Variants in NAP1L4 observed in about 807,000 individuals in gnomAD.
NAP1L4 encodes nucleosome assembly protein 1-like 4.
Under a neutral mutation model 58.2 loss-of-function variants are expected in NAP1L4, and 15 were observed. The ratio of observed to expected loss-of-function variants is 0.26; its 90% confidence interval spans 0.17 to 0.40. NAP1L4 has a LOEUF of 0.40. Among genes scored for constraint, NAP1L4 ranks in the 10% least tolerant of loss-of-function variants. The pLI, the probability that NAP1L4 is intolerant of heterozygous loss-of-function variation, is 1.00. For missense variants in NAP1L4, 384 were observed against 451.1 expected, an observed-to-expected ratio of 0.85 and a Z score of 1.35; for synonymous variants, 171 against 155.6, an observed-to-expected ratio of 1.10 and a Z score of -0.74.
intron 12 of NAP1L4, among the ~76,000 whole-genome samples, chr11:2,953,368 GCTCA>G (rs1372274872): frequency 1.3e-5 from 2 of 152,196 alleles, no homozygotes; most frequent in Non-Finnish European, 2.9e-5. Flanking sequence ...CTAGCCCTTA[GCTCA>G]CTATTTAAAT....
intron 1 of NAP1L4, among the ~76,000 whole-genome samples, chr11:2,986,131 T>C (rs1359049275): frequency 3.3e-5 from 5 of 152,088 alleles, no homozygotes; most frequent in Non-Finnish European, 2.9e-5. Context: ...CCCAGCACTT[T>C]GGGAGACCAA....
intron 12 of NAP1L4, chr11:2,952,091 C>G: frequency 2.0e-6 from 1 of 512,298 alleles, no homozygotes; most frequent in Non-Finnish European, 3.5e-6. Context: ...CACCACAGCT[C>G]TGCCCTGGCT....
At chr11:2,985,692 TAAA>T (rs1848576975) in intron 1 of NAP1L4, among the ~76,000 whole-genome samples, 1 of 152,146 alleles carries the variant, frequency 6.6e-6, no homozygotes, top group African/African-American at 2.4e-5. Context: ...TTTGTGTTAA[TAAA>T]TAATAACTAA....
chr11:2,979,917 G>A (rs927360956), intron 1 of NAP1L4, among the ~76,000 whole-genome samples: 4 of 152,164 alleles, frequency 2.6e-5, no homozygotes, highest in African/African-American at 4.8e-5. Context: ...CCATTTTAGA[G>A]TAAGTCAAAG....
rs1290636607 is a variant in NAP1L4 at position 2,959,005 on chromosome 11, G to C, written c.747-461C>G. On this transcript the variant is annotated intron_variant, in intron 9 of 15. Transcript: ENST00000380542. The surrounding 1 kb of genome is among the most constrained non-coding windows in gnomAD (Gnocchi z 4.9). ...GACCACTCCAGCCCCAGGGATGCTG[G>C]CGAGGGCTGAGCACAGCACGCTCTC... The C allele has an allele frequency of 1.1e-5, 2 of 175,862 alleles. No homozygotes were observed. The highest frequency in any genetic ancestry group is 2.5e-5 in the Non-Finnish European group (2 of 81,466). The allele number at this position is 175,862 out of a possible 1,614,324, so 10.9% of individuals were successfully genotyped here. A position where few individuals can be genotyped will look rare whatever the true frequency, so the allele number is the denominator to read the frequency against.
At position 2,944,715 on chromosome 11, in the gene NAP1L4, C is replaced by G. The variant is rs1387181782; in HGVS notation, c.*964G>C. 1.3e-5 allele frequency: 2 copies of G among 152,270 alleles called. No homozygotes were observed. Among genetic ancestry groups the G allele is most frequent in the African/African-American group, 4.8e-5 (2 of 41,460 alleles). The allele number at this position is 152,270 out of a possible 1,614,324, so 9.4% of individuals were successfully genotyped here. Reference sequence around the variant, plus strand: ...GAGAAAGCAGGACTTGACGCTCATACGCTCCACTGAAACGCAGGACTTCCC... The same window carrying G: ...GAGAAAGCAGGACTTGACGCTCATAGGCTCCACTGAAACGCAGGACTTCCC... On this transcript the variant is annotated 3_prime_UTR_variant, in exon 16 of 16. Transcript: ENST00000380542.
intron 10 of NAP1L4, among the ~76,000 whole-genome samples, chr11:2,956,403 A>C (rs73406362): frequency 0.1 from 15,824 of 152,160 alleles, 960 homozygotes; most frequent in African/African-American, 0.15. Flanking sequence ...TAGAAGATCC[A>C]ACCCCCTGAT....
In NAP1L4 at chr11:2,959,714, C is replaced by A; in HGVS notation, c.746+56G>T. On this transcript the variant is annotated intron_variant, in intron 9 of 15. Coordinates refer to ENST00000380542, the MANE Select transcript of NAP1L4 (RefSeq NM_005969.4). This position sits in a 1 kb window ranked among gnomAD's most constrained non-coding sequence, Gnocchi z 4.9. ...TACTTCTATCTTACCCATCAAGTTACAAAATTATCTTTTGATTTTGTTTCA... is the reference window on the plus strand; with the variant it reads ...TACTTCTATCTTACCCATCAAGTTAAAAAATTATCTTTTGATTTTGTTTCA... 1 of 1,601,506 alleles carries A rather than the reference C, an allele frequency of 6.2e-7. No homozygotes were observed. Among genetic ancestry groups the A allele is most frequent in the Admixed American group, 1.7e-5 (1 of 59,046 alleles).
In NAP1L4 at chr11:2,959,851, G is replaced by A; in HGVS notation, c.665C>T (p.Thr222Ile). 6.2e-7 allele frequency: 1 copy of A among 1,614,196 alleles called. No homozygotes were observed. The highest frequency in any genetic ancestry group is 2.2e-5 in the East Asian group (1 of 44,888). ...PNDYFTNSVL[T>I]KTYKMKSEPD... ...TTCTGATTTCATCTTGTAGGTTTTTGTCAGGACTGAGTTGGTAAAGTAGTC... is the reference window on the plus strand; with the variant it reads ...TTCTGATTTCATCTTGTAGGTTTTTATCAGGACTGAGTTGGTAAAGTAGTC... The change falls in exon 9 of 16, where the codon ACA (threonine) becomes ATA (isoleucine). Residue 222 changes from threonine (T) to isoleucine (I), a missense_variant. Physicochemically the swap from Thr to Ile is moderately conservative, Grantham distance 89 (BLOSUM62 -1). Transcript: ENST00000380542. This position sits in a 1 kb window ranked among gnomAD's most constrained non-coding sequence, Gnocchi z 4.9.
Position 2,976,078 on chromosome 11 carries a change from G to C in NAP1L4, c.119C>G (p.Ala40Gly), listed in dbSNP as rs1048060074. ...QVMQNPRVLA[A>G]LQERLDNVPH... Reference sequence around the variant, plus strand: ...GACATTGTCAAGTCGCTCCTGTAAAGCTGCCAGAACTCGAGGATTCTGCAT... The same window carrying C: ...GACATTGTCAAGTCGCTCCTGTAAACCTGCCAGAACTCGAGGATTCTGCAT... The change falls in exon 4 of 16, where the codon GCT becomes GGT. Residue 40 changes from alanine (A) to glycine (G), a missense_variant. Physicochemically the swap from Ala to Gly is moderately conservative, Grantham distance 60. Around this residue, in one of 3 missense-constraint regions of NAP1L4, gnomAD observed 84 missense variants for 73.7 expected, o/e 1.14. Coordinates refer to ENST00000380542, the MANE Select transcript of NAP1L4 (RefSeq NM_005969.4). 1.7e-5 allele frequency: 28 copies of C among 1,613,922 alleles called. No homozygotes were observed. The highest frequency in any genetic ancestry group is 2.4e-5 in the Non-Finnish European group (28 of 1,180,006).
At chr11:2,965,041 G>T (rs1056830107) in intron 7 of NAP1L4, among the ~76,000 whole-genome samples, 1 of 152,222 alleles carries the variant, frequency 6.6e-6, no homozygotes, top group Non-Finnish European at 1.5e-5. Context: ...ACTGGGGCAA[G>T]GGCCTTCACT....
chr11:2,952,261 C>T (rs1252770833), intron 12 of NAP1L4: 1 of 169,332 alleles, frequency 5.9e-6, no homozygotes, highest in Non-Finnish European at 1.3e-5. Flanking sequence ...GGAAAAGAAA[C>T]CTTAGTAGAA....
At chr11:2,979,581 T>G (rs1037114229) in intron 1 of NAP1L4, among the ~76,000 whole-genome samples, 1 of 152,132 alleles carries the variant, frequency 6.6e-6, no homozygotes, top group Admixed American at 6.5e-5. Flanking sequence ...GAGACCGGCC[T>G]GACCAACATG....
chr11:2,952,225 G>A, intron 12 of NAP1L4: 1 of 192,196 alleles, frequency 5.2e-6, no homozygotes, highest in South Asian at 1.2e-4. Flanking sequence ...CAGGAATCTG[G>A]GTATCATTTT....
At chr11:2,987,776 A>G (rs1287092897) in intron 1 of NAP1L4, among the ~76,000 whole-genome samples, 1 of 151,060 alleles carries the variant, frequency 6.6e-6, no homozygotes, top group Non-Finnish European at 1.5e-5. Flanking sequence ...AAAAAAAAAA[A>G]AGCAATGAAT....
In NAP1L4 at chr11:2,971,473, T is replaced by C. The variant is rs1847632336; in HGVS notation, c.377A>G (p.Glu126Gly). 6.2e-7 allele frequency: 1 copy of C among 1,613,924 alleles called. No individual in the cohort carries two copies. Among genetic ancestry groups the C allele is most frequent in the South Asian group, 1.1e-5 (1 of 91,084 alleles). ...AGCCAATTTCTCTTCCTCTTCATTT[T>C]CACTGTGCCATTCCGATTCCGCATC... ...PTDAESEWHS[E>G]NEEEEKLAGD... Residue 126 changes from glutamate to glycine, a missense_variant, in exon 6 of 16, where the codon GAA (glutamate) becomes GGA (glycine). By Grantham distance (98) the Glu-to-Gly change is moderately conservative. Transcript: ENST00000380542. The surrounding 1 kb of genome is among the most constrained non-coding windows in gnomAD (Gnocchi z 4.2).
chr11:2,979,084 G>A (rs531869164), intron 2 of NAP1L4, 123 bp downstream of exon 2: 9 of 967,818 alleles, frequency 9.3e-6, no homozygotes, highest in Middle Eastern at 2.2e-4. Context: ...CACAAGAAAT[G>A]AGCCATCAGC....
chr11:2,982,661 CCTT>C (rs1361775032), intron 1 of NAP1L4, among the ~76,000 whole-genome samples: 3 of 152,198 alleles, frequency 2.0e-5, no homozygotes, highest in Non-Finnish European at 4.4e-5. Context: ...AAATCTGACT[CCTT>C]CTAACCTTTC....
rs1421257212 is a variant in NAP1L4 at position 2,958,462 on chromosome 11, C to T, written c.829G>A (p.Val277Ile). The change falls in exon 10 of 16, where the codon GTT (valine) becomes ATT (isoleucine). Residue 277 changes from valine (V) to isoleucine (I), a missense_variant. Physicochemically the swap from Val to Ile is conservative, Grantham distance 29. Coordinates refer to ENST00000380542, the MANE Select transcript of NAP1L4 (RefSeq NM_005969.4). The part of the protein sequence containing the change: ...KKQKHKGRGT[V>I]RTITKQVPNE... ...GGTACTTGTTTCGTAATTGTTCTAA[C>T]AGTGCCTCGACCCTTATGCTTCTGC... 6.2e-7 allele frequency: 1 copy of T among 1,614,210 alleles called. No homozygotes were observed. Among genetic ancestry groups the T allele is most frequent in the Admixed American group, 1.7e-5 (1 of 60,032 alleles).
Sources: allele counts gnomAD v4.1 joint callset (sites outside exome capture counted in the v4.1 genomes callset), GRCh38; gene constraint gnomAD v4.1.1; regional missense constraint gnomAD v4.1.1; non-coding constraint Gnocchi (gnomAD v3.1); transcripts MANE v1.5; gene names NCBI Gene and HGNC (gene_info 2026-07-23, HGNC 2026-07-21).